The following NDUFAF7 variants were observed in gnomAD, a reference collection of about 807,000 sequenced individuals.
NDUFAF7 encodes the protein NADH:ubiquinone oxidoreductase complex assembly factor 7, also known as protein arginine methyltransferase NDUFAF7, mitochondrial.
In NDUFAF7, 48 loss-of-function variants were observed where a neutral mutation model predicts 47.2. The ratio of observed to expected loss-of-function variants is 1.02; its 90% CI spans 0.81 to 1.29. The LOEUF is 1.29. Among genes scored for constraint, NDUFAF7 ranks in the 50% most tolerant of loss-of-function variants. NDUFAF7 has a pLI of 0.00. For synonymous variants in NDUFAF7, 217 were observed against 190.0 expected (o/e 1.14, Z -1.17); for missense variants, 635 against 537.6 (o/e 1.18, Z -1.79).
chr2:37,269,334 T>TC, the NDUFAF7 span: 59 of 383,400 alleles, frequency 1.5e-4, no homozygotes, highest in Non-Finnish European at 2.5e-4. Flanking sequence ...TCAAACCATC[T>TC]CCCCCCCTGC....
chr2:37,262,013 C>T, the NDUFAF7 span, among the ~76,000 whole-genome samples: 5 of 152,096 alleles, frequency 3.3e-5, no homozygotes, highest in Admixed American at 1.3e-4. Flanking sequence ...CTAATGTAAG[C>T]GACTGTGCTT....
At chr2:37,253,137 C>T (rs778253341), downstream of NDUFAF7, 21 of 1,534,708 alleles carry the variant, frequency 1.4e-5, no homozygotes, top group African/African-American at 1.4e-5. Flanking sequence ...AATATCAGTC[C>T]ATAAAATGAA....
chr2:37,256,883 G>A (rs1667996211), downstream of NDUFAF7: 1 of 1,613,972 alleles, frequency 6.2e-7, no homozygotes, highest in African/African-American at 1.3e-5. Flanking sequence ...TCTCCTGAAT[G>A]ACTTTTCACC....
chr2:37,248,881 T>G lies in NDUFAF7; in HGVS notation c.*531T>G, dbSNP rs145182432. On this transcript the variant is annotated 3_prime_UTR_variant, in exon 10 of 10. Transcript: ENST00000002125. ...GTGAGCTGAGATCGTGCCACTGCAC[T>G]CCAGCCTGGGCAACAAGAGCAAAAA... The G allele has an allele frequency of 0.022, 3,489 of 156,220 alleles. 57 individuals carry two copies. Among genetic ancestry groups the G allele is most frequent in the Middle Eastern group, 0.033 (10 of 304 alleles). 9.7% of individuals were successfully genotyped at this position (156,220 alleles called of 1,614,324 possible).
chr2:37,257,293 T>G (rs1013208366), downstream of NDUFAF7, among the ~76,000 whole-genome samples: 1 of 152,192 alleles, frequency 6.6e-6, no homozygotes, highest in Non-Finnish European at 1.5e-5. Flanking sequence ...TGAGCAGGAA[T>G]TGTTTCATTT....
chr2:37,242,997 A>G (rs1456551068), intron 6 of NDUFAF7, among the ~76,000 whole-genome samples: 2 of 152,046 alleles, frequency 1.3e-5, no homozygotes, highest in Non-Finnish European at 2.9e-5. Flanking sequence ...CAAAAAAAAA[A>G]TTTTCTTTTT....
At chr2:37,263,338 A>C in the NDUFAF7 span, among the ~76,000 whole-genome samples, 3 of 152,148 alleles carry the variant, frequency 2.0e-5, no homozygotes, top group Non-Finnish European at 4.4e-5. Flanking sequence ...TTCTGCTTTA[A>C]TGCATTGAGA....
rs775141262 is a variant in NDUFAF7, at chr2:37,241,593, G to T, written c.424G>T (p.Gly142Ter). The change falls in exon 5 of 10, where the codon GGA becomes TGA. Residue 142 changes from glycine to a stop codon, truncating the protein, a stop_gained. Coordinates refer to ENST00000002125, the MANE Select transcript of NDUFAF7 (RefSeq NM_144736.5). LOFTEE classifies it high-confidence loss of function. The stretch of plus-strand genomic sequence containing the variant: ...TGGTATTTAGGTGTTCACTCAACTT[G>T]GATCTGTGCTGAAAAATTGTGACAT... ...GDILRVFTQLGSVLKNCDISV... is the reference protein window; with the variant it reads ...GDILRVFTQL The T allele has an allele frequency of 6.2e-7, 1 of 1,613,234 alleles. No homozygotes were observed. The highest frequency in any genetic ancestry group is 1.7e-5 in the Admixed American group (1 of 59,946).
At chr2:37,254,192 A>T, downstream of NDUFAF7, 2 of 1,554,956 alleles carry the variant, frequency 1.3e-6, no homozygotes, top group Non-Finnish European at 1.8e-6. Context: ...GAGAGATTAC[A>T]TTTTTTTTTA....
Position 37,237,809 on chromosome 2 carries a change from C to CTT in NDUFAF7, c.352_353dup (p.Gln119SerfsTer18), listed in dbSNP as rs1425190615. On this transcript the variant is annotated frameshift_variant, in exon 4 of 10. Coordinates refer to ENST00000002125, the MANE Select transcript of NDUFAF7 (RefSeq NM_144736.5). LOFTEE classifies it high-confidence loss of function. ...TGGATGGCCACTGGAAAAAGCACAG[C>CTT]TTTCCAGCTGGTGGAACTGGGCCCA... The CTT allele has an allele frequency of 6.2e-7, 1 of 1,613,908 alleles. No individual in the cohort carries two copies. The highest frequency in any genetic ancestry group is 1.7e-5 in the Admixed American group (1 of 60,010).
At chr2:37,238,106 G>A (rs546209633) in intron 4 of NDUFAF7, among the ~76,000 whole-genome samples, 35 of 152,122 alleles carry the variant, frequency 2.3e-4, no homozygotes, top group Non-Finnish European at 4.1e-4. Context: ...CATTATGGGA[G>A]AGTGTATTTG....
At position 37,231,710 on chromosome 2, in the gene NDUFAF7, G is replaced by C. The variant is rs1665140859; in HGVS notation, c.5G>C (p.Ser2Thr). M[S>T]VLLRSGLGPL... ...AGCTAGCCTGCGAATTTCAGCATGA[G>C]TGTACTGCTGAGGTCAGGTTTGGGG... is the stretch of plus-strand genomic sequence containing the variant. Residue 2 changes from serine (S) to threonine (T), a missense_variant, in exon 1 of 10, where the codon AGT becomes ACT. Physicochemically the swap from Ser to Thr is moderately conservative, Grantham distance 58. Transcript: ENST00000002125. The C allele has an allele frequency of 6.2e-7, 1 of 1,614,134 alleles. No homozygotes were observed. The highest frequency in any genetic ancestry group is 1.7e-5 in the Admixed American group (1 of 60,012).
In NDUFAF7 at chr2:37,231,757, G is replaced by A. The variant is rs747848137; in HGVS notation, c.52G>A (p.Ala18Thr). 1.9e-6 allele frequency: 3 copies of A among 1,614,200 alleles called. No homozygotes were observed. In the South Asian group the frequency reaches 3.3e-5, roughly 18 times the overall value. Reference sequence around the variant, plus strand: ...GGGGCCGTTGTGTGCCGTGGCGCGCGCAGGTAAGCGTCAGTCCCCTCGAAG... The same window carrying A: ...GGGGCCGTTGTGTGCCGTGGCGCGCACAGGTAAGCGTCAGTCCCCTCGAAG... The part of the protein sequence containing the change: ...GLGPLCAVAR[A>T]AIPFIWRGKY... Residue 18 changes from alanine (A) to threonine (T), a missense_variant, in exon 1 of 10, where the codon GCA (alanine) becomes ACA (threonine). Transcript: ENST00000002125.
intron 2 of NDUFAF7, among the ~76,000 whole-genome samples, chr2:37,233,875 T>G (rs1449871782): frequency 6.6e-6 from 1 of 152,132 alleles, no homozygotes; most frequent in Non-Finnish European, 1.5e-5. Context: ...TACCTTTATT[T>G]TCACTAACTT....
Position 37,248,536 on chromosome 2 carries a change from T to C in NDUFAF7, c.*186T>C, listed in dbSNP as rs1017246472. The stretch of plus-strand genomic sequence containing the variant: ...GGGTTGTGACTGGCTTTGGTGCAAA[T>C]GTGTGCTCAAGCTAATAAGTTATTG... On this transcript the variant is annotated 3_prime_UTR_variant, in exon 10 of 10. Coordinates refer to ENST00000002125, the MANE Select transcript of NDUFAF7 (RefSeq NM_144736.5). 1 of 644,698 alleles carries C rather than the reference T, an allele frequency of 1.6e-6. No individual in the cohort carries two copies. Among genetic ancestry groups the C allele is most frequent in the African/African-American group, 1.8e-5 (1 of 55,036 alleles). The allele number at this position is 644,698 out of a possible 1,614,324, so 39.9% of individuals were successfully genotyped here. A position where few individuals can be genotyped will look rare whatever the true frequency, so the allele number is the denominator to read the frequency against.
the NDUFAF7 span, among the ~76,000 whole-genome samples, chr2:37,266,327 AT>A: frequency 6.6e-6 from 1 of 152,100 alleles, no homozygotes; most frequent in Non-Finnish European, 1.5e-5. Context: ...AGCATTAACC[AT>A]TTTTTGTTGT....
chr2:37,253,548 A>G (rs914543637), downstream of NDUFAF7: 6 of 486,238 alleles, frequency 1.2e-5, no homozygotes, highest in African/African-American at 1.2e-4. Context: ...TTTCAAACTC[A>G]GAGTCTCCAA....
chr2:37,261,342 C>G, the NDUFAF7 span, among the ~76,000 whole-genome samples: 1 of 152,004 alleles, frequency 6.6e-6, no homozygotes, highest in Non-Finnish European at 1.5e-5. Context: ...CAAAAACTAA[C>G]CAGGTGTGGT....
intron 3 of NDUFAF7, 34 bp from the exon 4 acceptor site, chr2:37,237,723 C>G: frequency 7.0e-7 from 1 of 1,435,670 alleles, no homozygotes; most frequent in Non-Finnish European, 9.8e-7. Flanking sequence ...CTTTATAATA[C>G]TTTAATATGT....
Sources: gnomAD v4.1 joint callset for allele counts (sites outside exome capture counted in the v4.1 genomes callset) on GRCh38, gnomAD v4.1.1 for gene constraint, MANE v1.5 for transcripts, NCBI Gene and HGNC (gene_info 2026-07-23, HGNC 2026-07-21) for gene names.